The following B3GALT1 variants were observed in gnomAD, a reference collection of about 807,000 sequenced individuals.
The protein encoded by B3GALT1 is UDP-Gal:betaGlcNAc beta 1,3-galactosyltransferase, polypeptide 1.
A neutral mutation model predicts 23.2 loss-of-function variants in B3GALT1; 10 were observed. The observed-to-expected ratio is 0.43, with a 90% CI of 0.27 to 0.73. The LOEUF is 0.73. Among genes scored for constraint, B3GALT1 ranks in the 30% least tolerant of loss-of-function variants. The pLI is 0.21. For synonymous variants in B3GALT1, 156 were observed against 141.5 expected (o/e 1.10, Z -0.73); for missense variants, 299 against 405.4 (o/e 0.74, Z 2.25).
At chr2:167,489,628 T>A (rs1699676804) in intron 1 of B3GALT1, among the ~76,000 whole-genome samples, 1 of 152,202 alleles carries the variant, frequency 6.6e-6, no homozygotes, top group Admixed American at 6.5e-5. Context: ...TTTCACTGGC[T>A]CACGTCAGTA....
rs562258203 is a variant in B3GALT1, at chr2:167,850,304, C to A, written c.-229-18507C>A. ...AAGCATATGAAAAAATGCTCAACAT[C>A]ACTAATGATCAGGGAAATGCAAATC... On this transcript the variant is annotated intron_variant, in intron 4 of 4. Transcript: ENST00000392690. Among the ~76,000 whole-genome samples, 3 of 152,302 alleles carry A rather than the reference C, an allele frequency of 2.0e-5. No homozygotes were observed. The South Asian group carries it at 6.2e-4, about 32-fold the overall frequency.
intron 1 of B3GALT1, among the ~76,000 whole-genome samples, chr2:167,295,882 T>C (rs1311975676): frequency 6.6e-6 from 1 of 152,050 alleles, no homozygotes; most frequent in Non-Finnish European, 1.5e-5. Context: ...TACAGAGAAT[T>C]GTGTCAATGG....
At position 167,611,534 on chromosome 2, in the gene B3GALT1, GGC is replaced by G. The variant is rs1244695985; in HGVS notation, c.-409-35374_-409-35373del. Among the ~76,000 whole-genome samples the G allele has an allele frequency of 1.3e-4, 19 of 151,984 alleles. No homozygotes were observed. In the South Asian group the frequency reaches 3.1e-3, roughly 25 times the overall value. On this transcript the variant is annotated intron_variant, in intron 2 of 4. Coordinates refer to ENST00000392690, the MANE Select transcript of B3GALT1 (RefSeq NM_020981.4). ...TAAACGCAAAAACCAGCTATCACCT[GGC>G]AAGATGGCTGATTTCTATAGAAATA...
intron 3 of B3GALT1, among the ~76,000 whole-genome samples, chr2:167,680,056 C>T (rs1261408453): frequency 6.6e-6 from 1 of 152,064 alleles, no homozygotes; most frequent in South Asian, 2.1e-4. Flanking sequence ...TTCCACTACT[C>T]TTTGGTGAAA....
At chr2:167,561,718 A>G (rs1326613395) in intron 2 of B3GALT1, among the ~76,000 whole-genome samples, 3 of 152,232 alleles carry the variant, frequency 2.0e-5, no homozygotes, top group African/African-American at 7.2e-5. Context: ...GAAATGGATA[A>G]ATTCCTTGAC....
intron 3 of B3GALT1, among the ~76,000 whole-genome samples, chr2:167,663,237 A>T (rs1196354910): frequency 6.6e-6 from 1 of 151,236 alleles, no homozygotes; most frequent in African/African-American, 2.4e-5. Flanking sequence ...GCGATAGTTT[A>T]CTGAGAATGA....
intron 1 of B3GALT1, among the ~76,000 whole-genome samples, chr2:167,477,938 G>A (rs563740425): frequency 3.3e-5 from 5 of 152,114 alleles, no homozygotes; most frequent in Non-Finnish European, 5.9e-5. Context: ...GAATTTGAAA[G>A]GTCTATTTAT....
At chr2:167,512,996 A>G (rs1700049230) in intron 2 of B3GALT1, among the ~76,000 whole-genome samples, 1 of 147,472 alleles carries the variant, frequency 6.8e-6, no homozygotes, top group Non-Finnish European at 1.5e-5. Context: ...TAATATTTAA[A>G]TATATTTACA....
At chr2:167,850,628 T>G (rs1689860964) in intron 4 of B3GALT1, among the ~76,000 whole-genome samples, 1 of 152,186 alleles carries the variant, frequency 6.6e-6, no homozygotes, top group Admixed American at 6.5e-5. Flanking sequence ...ATTGCAAGAT[T>G]GTGGAACCAA....
intron 3 of B3GALT1, among the ~76,000 whole-genome samples, chr2:167,733,788 G>T (rs1687448977): frequency 6.6e-6 from 1 of 152,116 alleles, no homozygotes; most frequent in African/African-American, 2.4e-5. Context: ...TTTGGCTCAG[G>T]TTTCCACAGA....
At chr2:167,763,657 C>G (rs1320270610) in intron 3 of B3GALT1, among the ~76,000 whole-genome samples, 2 of 132,640 alleles carry the variant, frequency 1.5e-5, no homozygotes, top group East Asian at 4.8e-4. Context: ...CTCTACTACA[C>G]TCTAACCTGA....
intron 2 of B3GALT1, among the ~76,000 whole-genome samples, chr2:167,611,648 G>C (rs976451025): frequency 1.3e-5 from 2 of 151,884 alleles, no homozygotes; most frequent in South Asian, 4.1e-4. Context: ...CCAGTAAAAG[G>C]GGTATATCTG....
chr2:167,834,698 A>G (rs1689421531), intron 4 of B3GALT1, among the ~76,000 whole-genome samples: 1 of 152,138 alleles, frequency 6.6e-6, no homozygotes, highest in East Asian at 1.9e-4. Flanking sequence ...AAAATACAAA[A>G]GTTGGCTGGG....
chr2:167,326,415 G>A (rs936796072), intron 1 of B3GALT1, among the ~76,000 whole-genome samples: 2 of 151,840 alleles, frequency 1.3e-5, no homozygotes, highest in African/African-American at 4.8e-5. Context: ...TTGTTTGGCT[G>A]TACAGCAGCT....
intron 3 of B3GALT1, among the ~76,000 whole-genome samples, chr2:167,669,973 C>T (rs1686294617): frequency 6.6e-6 from 1 of 152,180 alleles, no homozygotes; most frequent in Non-Finnish European, 1.5e-5. Context: ...CCACAACAAG[C>T]CGCAGATTCT....
At chr2:167,496,840 T>C (rs1010408387) in intron 2 of B3GALT1, among the ~76,000 whole-genome samples, 1 of 152,102 alleles carries the variant, frequency 6.6e-6, no homozygotes, top group African/African-American at 2.4e-5. Context: ...TGATGAAACA[T>C]TGACACTCTG....
chr2:167,523,212 AG>A (rs1683137200), intron 2 of B3GALT1, among the ~76,000 whole-genome samples: 1 of 152,224 alleles, frequency 6.6e-6, no homozygotes, highest in Non-Finnish European at 1.5e-5. Flanking sequence ...ATTTTTGGAA[AG>A]AACATCTTAA....
intron 1 of B3GALT1, among the ~76,000 whole-genome samples, chr2:167,317,459 C>T (rs567411874): frequency 6.6e-6 from 1 of 152,210 alleles, no homozygotes; most frequent in South Asian, 2.1e-4. Context: ...CACTTAAAAA[C>T]ATGTGAGCTT....
chr2:167,870,129 A>G lies in B3GALT1; in HGVS notation c.*109A>G, dbSNP rs1690314240. 1.4e-5 allele frequency: 17 copies of G among 1,206,916 alleles called. No homozygotes were observed. The South Asian group carries it at 2.2e-4, about 16-fold the overall frequency. The allele number at this position is 1,206,916 out of a possible 1,614,324, so 74.8% of individuals were successfully genotyped here. On this transcript the variant is annotated 3_prime_UTR_variant, in exon 5 of 5. Coordinates refer to ENST00000392690, the MANE Select transcript of B3GALT1 (RefSeq NM_020981.4). Reference sequence around the variant, plus strand: ...AATGAACTGGTGAAGGGGTTTTGTAAAGTTTTTGCTTCCTGCTATAAGTTC... The same window carrying G: ...AATGAACTGGTGAAGGGGTTTTGTAGAGTTTTTGCTTCCTGCTATAAGTTC...
Sources: gnomAD v4.1 joint callset for allele counts (sites outside exome capture counted in the v4.1 genomes callset) on GRCh38, gnomAD v4.1.1 for gene constraint, MANE v1.5 for transcripts, NCBI Gene and HGNC (gene_info 2026-07-23, HGNC 2026-07-21) for gene names.